ISLR2: variants seen among roughly 807,000 people sequenced by gnomAD.
ISLR2 encodes immunoglobulin superfamily containing leucine-rich repeat protein 2.
A neutral mutation model predicts 25.5 loss-of-function variants in ISLR2; 16 were observed. The ratio of observed to expected loss-of-function variants is 0.63; its 90% CI spans 0.43 to 0.95. ISLR2 has a LOEUF of 0.95. Among genes scored for constraint, ISLR2 ranks in the 40% least tolerant of loss-of-function variants. The probability of loss-of-function intolerance (pLI) is 0.00; values close to 1 mark genes in which losing one functional copy is unlikely to be tolerated. For synonymous variants in ISLR2, 508 were observed against 486.6 expected, an observed-to-expected ratio of 1.04 and a Z score of -0.58; for missense variants, 883 against 1,030.7, an observed-to-expected ratio of 0.86 and a Z score of 1.96.
At chr15:74,125,769 A>G (rs2072289852), upstream of ISLR2, 1 of 152,214 alleles carries the variant, frequency 6.6e-6, no homozygotes, top group South Asian at 2.1e-4. Context: ...CTTCATTTGA[A>G]CCATTCAGAA....
upstream of ISLR2, chr15:74,128,609 C>T: frequency 2.2e-6 from 1 of 456,690 alleles, no homozygotes; most frequent in Non-Finnish European, 4.4e-6. Flanking sequence ...CCTTCCATTA[C>T]CCAGATTCTG....
Position 74,134,922 on chromosome 15 carries a change from T to C in ISLR2, c.2168T>C (p.Leu723Pro). 6.2e-7 allele frequency: 1 copy of C among 1,613,910 alleles called. No homozygotes were observed. The highest frequency in any genetic ancestry group is 1.1e-5 in the South Asian group (1 of 91,068). Residue 723 changes from leucine (L) to proline (P), a missense_variant, in exon 3 of 3, where the codon CTG becomes CCG. Around this residue, in one of 2 missense-constraint regions of ISLR2, gnomAD observed 612 missense variants for 642.8 expected, o/e 0.95. Coordinates refer to ENST00000453268, the MANE Select transcript of ISLR2 (RefSeq NM_020851.3). ...GCGGGCTCTGAGTACAGCGATCGGC[T>C]GCCCCTGGGCGCCGAGGCGGTCAAC... ...FEAGSEYSDR[L>P]PLGAEAVNIA...
At position 74,108,499 on chromosome 15, in the gene ISLR2, C is replaced by T. The variant is rs547601395; in HGVS notation, n.228+4585C>T. ...CCCAGACCCCCCAAAGCCCCATGTC[C>T]ACGCAGCCCTCAAGAATCTGGCCCC... On this transcript the variant is annotated intron_variant and non_coding_transcript_variant, in intron 2 of 3. Transcript: ENST00000561975. Among the ~76,000 whole-genome samples the T allele has an allele frequency of 2.6e-5, 4 of 152,318 alleles. No homozygotes were observed. In the East Asian group the frequency reaches 5.8e-4, roughly 22 times the overall value.
downstream of ISLR2, among the ~76,000 whole-genome samples, chr15:74,139,651 A>G (rs530225618): frequency 1.3e-5 from 2 of 152,294 alleles, no homozygotes; most frequent in East Asian, 3.9e-4. Context: ...CCTGACTGCC[A>G]CTGGCAAGTT....
At chr15:74,109,566 G>A (rs555533585) in intron 2 of ISLR2, among the ~76,000 whole-genome samples, 245 of 152,330 alleles carry the variant, frequency 1.6e-3, no homozygotes, top group African/African-American at 5.7e-3. Flanking sequence ...GCGATACGGG[G>A]ATGAATTGAT....
At chr15:74,129,127 G>A, upstream of ISLR2, 1 of 450,122 alleles carries the variant, frequency 2.2e-6, no homozygotes, top group Non-Finnish European at 4.5e-6. The surrounding 1 kb of genome is among the most constrained non-coding windows in gnomAD (Gnocchi z 4.5). Flanking sequence ...CCGAGCAGGC[G>A]GTGTGAAGTT....
rs1272773499 is a variant in ISLR2 at position 74,135,266 on chromosome 15, GA to G, written c.*275del. The G allele has an allele frequency of 4.6e-6, 2 of 435,016 alleles. No individual in the cohort carries two copies. 26.9% of individuals were successfully genotyped at this position (435,016 alleles called of 1,614,324 possible). ...TACCCCATGCAAGACTCCACCCGCA[GA>G]CGGTGGGCGATATCTATGTCCCTCC... On this transcript the variant is annotated 3_prime_UTR_variant, in exon 3 of 3. Transcript: ENST00000453268.
chr15:74,102,340 GTCTTA>G lies in ISLR2; in HGVS notation n.160-1500_160-1496del, dbSNP rs771446989. Among the ~76,000 whole-genome samples the G allele has an allele frequency of 7.3e-4, 93 of 127,622 alleles. 1 individual carries two copies. The highest frequency in any genetic ancestry group is 2.3e-3 in the African/African-American group (77 of 33,272). 83.7% of individuals were successfully genotyped at this position (127,622 alleles called of 152,430 possible). On this transcript the variant is annotated intron_variant and non_coding_transcript_variant, in intron 1 of 3. Coordinates refer to the ISLR2 transcript ENST00000561975. Reference sequence around the variant, plus strand: ...AGAAAATTAGGAACAGATGAAAACTGTCTTATCTTAAGAGTATTTGAAAAACAAAA... The same window carrying G: ...AGAAAATTAGGAACAGATGAAAACTGTCTTAAGAGTATTTGAAAAACAAAA...
At chr15:74,138,286 CTCTTT>C (rs2072589826), downstream of ISLR2, 1 of 109,998 alleles carries the variant, frequency 9.1e-6, no homozygotes, top group African/African-American at 3.5e-5. Context: ...TTTTTCTTTT[CTCTTT>C]TTTTTTTTTT....
rs546002269 is a variant in ISLR2, at chr15:74,132,436, G to T, written c.-8-311G>T. On this transcript the variant is annotated intron_variant, in intron 2 of 2. Transcript: ENST00000453268. This position sits in a 1 kb window ranked among gnomAD's most constrained non-coding sequence, Gnocchi z 4.3. ...AAACACAGAGAGGGGTACGTGAGGA[G>T]CCCGCTGGAGATGGGCGAGCTGCGG... Among the ~76,000 whole-genome samples, 1 of 152,170 alleles carries T rather than the reference G, an allele frequency of 6.6e-6. No individual in the cohort carries two copies. The highest frequency in any genetic ancestry group is 1.5e-5 in the Non-Finnish European group (1 of 68,036).
At chr15:74,104,587 A>G (rs1238130737) in intron 2 of ISLR2, among the ~76,000 whole-genome samples, 12 of 152,138 alleles carry the variant, frequency 7.9e-5, no homozygotes, top group Non-Finnish European at 1.3e-4. Flanking sequence ...GTTCAAGACC[A>G]GCCTGGGCAA....
upstream of ISLR2, chr15:74,126,345 G>GTTTTTTTTTT (rs1228122616): frequency 8.2e-4 from 115 of 139,986 alleles, 5 homozygotes; most frequent in Middle Eastern, 3.8e-3. Context: ...AAAAGCATAG[G>GTTTTTTTTTT]TATTTTTTTT....
At position 74,133,944 on chromosome 15, in the gene ISLR2, G is replaced by GC; in HGVS notation, c.1191dup (p.Lys398GlnfsTer44). On this transcript the variant is annotated frameshift_variant, in exon 3 of 3. Transcript: ENST00000453268. LOFTEE classifies it high-confidence loss of function. ...GACGGACAGGCCCCGACCTCTGAGC[G>GC]CAAGTCCACAGCCAAGGGCCGGGGC... 1.2e-6 allele frequency: 2 copies of GC among 1,605,834 alleles called. No homozygotes were observed. The highest frequency in any genetic ancestry group is 1.7e-6 in the Non-Finnish European group (2 of 1,176,392).
chr15:74,127,236 A>G (rs2072309893), upstream of ISLR2: 1 of 152,208 alleles, frequency 6.6e-6, no homozygotes, highest in Admixed American at 6.5e-5. Flanking sequence ...TAAACATTCA[A>G]TCAAACATCG....
At chr15:74,109,472 G>A (rs936513701) in intron 2 of ISLR2, among the ~76,000 whole-genome samples, 3 of 152,240 alleles carry the variant, frequency 2.0e-5, no homozygotes, top group African/African-American at 4.8e-5. Context: ...CCAGGGGCAG[G>A]AGCATTCTTG....
At chr15:74,128,155 G>GC, upstream of ISLR2, 1 of 297,860 alleles carries the variant, frequency 3.4e-6, no homozygotes, top group South Asian at 2.8e-5. Flanking sequence ...GCCGGACGGC[G>GC]CCGGACGAGG....
intron 2 of ISLR2, among the ~76,000 whole-genome samples, chr15:74,120,599 G>C (rs775343097): frequency 6.6e-6 from 1 of 151,888 alleles, no homozygotes; most frequent in Non-Finnish European, 1.5e-5. Flanking sequence ...CTGGGTTTAC[G>C]GTGGTGCACT....
At chr15:74,118,548 T>C (rs1227063211) in intron 2 of ISLR2, among the ~76,000 whole-genome samples, 1 of 152,090 alleles carries the variant, frequency 6.6e-6, no homozygotes, top group Non-Finnish European at 1.5e-5. Context: ...TGGATAATTA[T>C]CACTAGGCAT....
At chr15:74,121,110 A>G (rs969271289) in intron 2 of ISLR2, among the ~76,000 whole-genome samples, 1 of 151,566 alleles carries the variant, frequency 6.6e-6, no homozygotes, top group Non-Finnish European at 1.5e-5. Flanking sequence ...CTTTGTCCCC[A>G]TCTCTCCAAG....
Sources: gnomAD v4.1 joint callset for allele counts (sites outside exome capture counted in the v4.1 genomes callset) on GRCh38, gnomAD v4.1.1 for gene constraint, gnomAD v4.1.1 regional missense constraint, Gnocchi (gnomAD v3.1) non-coding constraint, MANE v1.5 for transcripts, NCBI Gene and HGNC (gene_info 2026-07-23, HGNC 2026-07-21) for gene names.